The following PTPRN2 variants were observed in gnomAD, a reference collection of about 807,000 sequenced individuals.
PTPRN2 encodes the protein receptor-type tyrosine-protein phosphatase N2.
PTPRN2 carries 74 observed loss-of-function variants against 118.8 expected under a neutral mutation model. The observed-to-expected ratio is 0.62, with a 90% CI of 0.52 to 0.76. PTPRN2 has a LOEUF of 0.76. Among genes scored for constraint, PTPRN2 ranks in the 30% least tolerant of loss-of-function variants. The probability of loss-of-function intolerance (pLI) is 0.00; values close to 1 mark genes in which losing one functional copy is unlikely to be tolerated. For synonymous variants in PTPRN2, 641 were observed against 608.0 expected (o/e 1.05, Z -0.80); for missense variants, 1,481 against 1,394.4 (o/e 1.06, Z -0.99).
chr7:158,277,623 G>A (rs1311832628), intron 3 of PTPRN2, among the ~76,000 whole-genome samples: 1 of 152,198 alleles, frequency 6.6e-6, no homozygotes, highest in Non-Finnish European at 1.5e-5. Context: ...TTGCCACACT[G>A]CTGCACGAGG....
chr7:157,994,288 C>T (rs139713576), intron 11 of PTPRN2, among the ~76,000 whole-genome samples: 27 of 152,166 alleles, frequency 1.8e-4, no homozygotes, highest in Admixed American at 1.6e-3. Context: ...ATTTAATCCA[C>T]GAAGCAGCAC....
intron 2 of PTPRN2, among the ~76,000 whole-genome samples, chr7:158,450,420 A>G (rs1421265799): frequency 6.6e-6 from 1 of 152,238 alleles, no homozygotes; most frequent in Non-Finnish European, 1.5e-5. Context: ...TTTTAACCTC[A>G]TAGATATAAT....
intron 3 of PTPRN2, among the ~76,000 whole-genome samples, chr7:158,297,040 C>T (rs1263841782): frequency 2.0e-5 from 3 of 152,208 alleles, no homozygotes; most frequent in Admixed American, 1.3e-4. Flanking sequence ...GATAGCATTC[C>T]ATCCAAACAC....
At chr7:158,238,283 C>T (rs908100139) in intron 3 of PTPRN2, among the ~76,000 whole-genome samples, 1 of 152,094 alleles carries the variant, frequency 6.6e-6, no homozygotes, top group African/African-American at 2.4e-5. Flanking sequence ...ACCTGATGGC[C>T]ATCGCAGATC....
intron 12 of PTPRN2, chr7:157,857,979 G>A (rs1455438287): frequency 1.3e-5 from 2 of 154,938 alleles, no homozygotes; most frequent in Non-Finnish European, 2.9e-5. Flanking sequence ...GCCTTGTGAG[G>A]GAAGGGAGCC....
chr7:157,969,572 G>T (rs1168709904), intron 11 of PTPRN2, among the ~76,000 whole-genome samples: 3 of 152,130 alleles, frequency 2.0e-5, no homozygotes, highest in Non-Finnish European at 2.9e-5. Flanking sequence ...TGAGGTGGGG[G>T]CCAGGGGTAG....
At chr7:157,984,941 C>T (rs1161567979) in intron 11 of PTPRN2, among the ~76,000 whole-genome samples, 1 of 152,166 alleles carries the variant, frequency 6.6e-6, no homozygotes, top group Non-Finnish European at 1.5e-5. Flanking sequence ...GCTTCCCCAC[C>T]CCGTGCTGCT....
intron 11 of PTPRN2, among the ~76,000 whole-genome samples, chr7:157,984,291 A>C (rs1401095811): frequency 7.1e-5 from 2 of 27,986 alleles, no homozygotes; most frequent in African/African-American, 1.6e-4. Flanking sequence ...GCTCCACCCC[A>C]TCCCACGCCA....
intron 12 of PTPRN2, among the ~76,000 whole-genome samples, chr7:157,687,750 T>G (rs1229626225): frequency 6.6e-6 from 1 of 152,216 alleles, no homozygotes; most frequent in Admixed American, 6.5e-5. Flanking sequence ...TAATACTCAC[T>G]TTAGGGCTGA....
chr7:158,263,895 C>A lies in PTPRN2; in HGVS notation c.277+52924G>T, dbSNP rs112748005. Among the ~76,000 whole-genome samples, 273 of 152,340 alleles carry A rather than the reference C, an allele frequency of 1.8e-3. 1 individual carries two copies. The highest frequency in any genetic ancestry group is 6.2e-3 in the African/African-American group (258 of 41,584). ...AGCAGCACCTCCCTAGCACACCCTG[C>A]ACCCAGCGGAGGTGGCTGAACACCC... is the stretch of plus-strand genomic sequence containing the variant. On this transcript the variant is annotated intron_variant, in intron 3 of 22. Coordinates refer to ENST00000389418, the MANE Select transcript of PTPRN2 (RefSeq NM_002847.5).
At chr7:157,606,526 T>C (rs907860547) in intron 15 of PTPRN2, among the ~76,000 whole-genome samples, 1 of 152,240 alleles carries the variant, frequency 6.6e-6, no homozygotes, top group African/African-American at 2.4e-5. Flanking sequence ...GAAAACCTCT[T>C]GGTGCTGCAC....
chr7:158,491,665 T>A (rs1821455511), intron 1 of PTPRN2, among the ~76,000 whole-genome samples: 1 of 152,118 alleles, frequency 6.6e-6, no homozygotes, highest in Admixed American at 6.5e-5. Context: ...AATTTTTGTA[T>A]TTTTAGTAGA....
rs2151026190 is a variant in PTPRN2 at position 158,293,530 on chromosome 7, C to A, written c.277+23289G>T. Among the ~76,000 whole-genome samples, 3 of 151,894 alleles carry A rather than the reference C, an allele frequency of 2.0e-5. No individual in the cohort carries two copies. The South Asian group carries it at 6.3e-4, about 32-fold the overall frequency. The stretch of plus-strand genomic sequence containing the variant: ...GGCAGAGGTTGCAGTGAGCTGAGAT[C>A]GCACCACTGTTCTCCAGCCTAGGTG... On this transcript the variant is annotated intron_variant, in intron 3 of 22. Transcript: ENST00000389418.
rs145535325 is a variant in PTPRN2 at position 157,868,363 on chromosome 7, T to C, written c.1788+30310A>G. Among the ~76,000 whole-genome samples the C allele has an allele frequency of 1.1e-4, 17 of 152,212 alleles. No homozygotes were observed. The East Asian group carries it at 1.2e-3, about 10-fold the overall frequency. ...GTTTCCATCATCTCCACGATGAACG[T>C]AGGACACCAGGACATTGGATCTCTG... On this transcript the variant is annotated intron_variant, in intron 12 of 22. Transcript: ENST00000389418. This position sits in a 1 kb window ranked among gnomAD's most constrained non-coding sequence, Gnocchi z 5.2.
intron 11 of PTPRN2, among the ~76,000 whole-genome samples, chr7:157,934,738 C>T (rs946329402): frequency 1.3e-5 from 2 of 152,218 alleles, no homozygotes; most frequent in Admixed American, 1.3e-4. Flanking sequence ...TCTCAGTCTG[C>T]TGCCATTTCT....
chr7:158,501,590 A>AG (rs1350703395), intron 1 of PTPRN2, among the ~76,000 whole-genome samples: 6 of 152,220 alleles, frequency 3.9e-5, no homozygotes, highest in South Asian at 2.1e-4. Context: ...CAGCAGTCGC[A>AG]GGGGGGGACC....
At chr7:157,842,973 T>C (rs1022843731) in intron 12 of PTPRN2, among the ~76,000 whole-genome samples, 16 of 152,204 alleles carry the variant, frequency 1.1e-4, no homozygotes, top group African/African-American at 2.2e-4. Context: ...CACAGATCCA[T>C]TGGACCCGGC....
intron 22 of PTPRN2, among the ~76,000 whole-genome samples, chr7:157,543,808 C>A (rs1159888916): frequency 6.6e-6 from 1 of 152,194 alleles, no homozygotes; most frequent in Non-Finnish European, 1.5e-5. Flanking sequence ...GATGACACAC[C>A]TTCCTGTGTC....
In PTPRN2 at chr7:157,990,250, T is replaced by C. The variant is rs1434990; in HGVS notation, c.1723+91048A>G. Among the ~76,000 whole-genome samples the C allele has an allele frequency of 0.35, 53,606 of 151,680 alleles. 9,913 individuals are homozygous for C. The highest frequency in any genetic ancestry group is 0.42 in the Non-Finnish European group (28,265 of 67,900). The stretch of plus-strand genomic sequence containing the variant: ...GGGGAAGACCGGGCACTCGTGGAGT[T>C]CAACAGATCATAAGCAGGATCCAGG... On this transcript the variant is annotated intron_variant, in intron 11 of 22. Transcript: ENST00000389418. The surrounding 1 kb of genome is among the most constrained non-coding windows in gnomAD (Gnocchi z 4.3).
Sources: allele counts gnomAD v4.1 joint callset (sites outside exome capture counted in the v4.1 genomes callset), GRCh38; gene constraint gnomAD v4.1.1; non-coding constraint Gnocchi (gnomAD v3.1); transcripts MANE v1.5; gene names NCBI Gene and HGNC (gene_info 2026-07-23, HGNC 2026-07-21).